Variants in SIN3B observed in about 807,000 individuals in gnomAD.
The protein encoded by SIN3B is SIN3 transcription regulator family member B, also known as paired amphipathic helix protein Sin3b.
A neutral mutation model predicts 120.2 loss-of-function variants in SIN3B; 19 were observed. The ratio of observed to expected loss-of-function variants is 0.16; its 90% confidence interval spans 0.11 to 0.23. The LOEUF is 0.23. SIN3B is among the 10% of genes least tolerant of loss of function. The pLI is 1.00. For missense variants in SIN3B, 1,073 were observed against 1,573.0 expected, an observed-to-expected ratio of 0.68 and a Z score of 5.38; for synonymous variants, 654 against 653.2, an observed-to-expected ratio of 1.00 and a Z score of -0.02.
At chr19:16,854,911 T>G (rs2144599339) in intron 8 of SIN3B, 1 of 152,354 alleles carries the variant, frequency 6.6e-6, no homozygotes, top group Middle Eastern at 3.4e-3. Flanking sequence ...AGTGTTTTGG[T>G]CTCTCTTTAG....
intron 8 of SIN3B, among the ~76,000 whole-genome samples, chr19:16,858,120 G>T (rs1568419882): frequency 6.6e-6 from 1 of 151,986 alleles, no homozygotes; most frequent in South Asian, 2.1e-4. Context: ...CAAGTGATCC[G>T]CCTGCCTCAG....
chr19:16,871,414 G>A lies in SIN3B; in HGVS notation c.2592+16G>A. On this transcript the variant is annotated intron_variant, in intron 14 of 18. Transcript: ENST00000248054. ...TGCGCGGCAGGTGAGCCGGGCCGGG[G>A]TGGGGCCGGCCCTGAGGACGGCGGA... 4 of 1,588,946 alleles carry A rather than the reference G, an allele frequency of 2.5e-6. No individual in the cohort carries two copies. Among genetic ancestry groups the A allele is most frequent in the Non-Finnish European group, 2.6e-6 (3 of 1,166,422 alleles).
intron 3 of SIN3B, among the ~76,000 whole-genome samples, chr19:16,835,228 C>CTT (rs1183912183): frequency 3.8e-4 from 48 of 125,808 alleles, no homozygotes; most frequent in African/African-American, 1.0e-3. Flanking sequence ...ACCTGGCCAT[C>CTT]TTTTTTTTTT....
At chr19:16,837,451 A>G (rs1015900390) in intron 3 of SIN3B, among the ~76,000 whole-genome samples, 2 of 151,628 alleles carry the variant, frequency 1.3e-5, no homozygotes, top group African/African-American at 4.9e-5. Flanking sequence ...TTCCCAAGTG[A>G]TGAGGACAGA....
rs1292667509 is a variant in SIN3B at position 16,829,401 on chromosome 19, G to C, written c.-20G>C. On this transcript the variant is annotated 5_prime_UTR_variant, in exon 1 of 19. Coordinates refer to ENST00000248054, the MANE Select transcript of SIN3B (RefSeq NM_001297595.2). The stretch of plus-strand genomic sequence containing the variant: ...GGACCTCGGGCGGGGGCGGGGCGGG[G>C]CGCAGCTCCGACTTCGGACATGGCG... 2 of 1,197,588 alleles carry C rather than the reference G, an allele frequency of 1.7e-6. No homozygotes were observed. Among genetic ancestry groups the C allele is most frequent in the Non-Finnish European group, 2.1e-6 (2 of 965,646 alleles). 74.2% of individuals were successfully genotyped at this position (1,197,588 alleles called of 1,614,324 possible). A position where few individuals can be genotyped will look rare whatever the true frequency, so the allele number is the denominator to read the frequency against.
chr19:16,856,168 G>C (rs1027079580), intron 8 of SIN3B, among the ~76,000 whole-genome samples: 2 of 152,226 alleles, frequency 1.3e-5, no homozygotes, highest in Non-Finnish European at 2.9e-5. Flanking sequence ...GCCTCAGGAA[G>C]GGGCTGGGAC....
chr19:16,854,017 A>G (rs907730170), intron 7 of SIN3B, 126 bp from the exon 8 acceptor site: 10 of 664,600 alleles, frequency 1.5e-5, no homozygotes, highest in Admixed American at 1.0e-4. Flanking sequence ...TGCAGCACAG[A>G]TATCATTTAC....
At chr19:16,873,578 C>G (rs1400652231) in intron 14 of SIN3B, among the ~76,000 whole-genome samples, 1 of 150,560 alleles carries the variant, frequency 6.6e-6, no homozygotes, top group African/African-American at 2.4e-5. Flanking sequence ...GGACAGCAAC[C>G]TTGCTTGTGA....
At chr19:16,859,540 T>C (rs1268497197) in intron 8 of SIN3B, among the ~76,000 whole-genome samples, 1 of 152,158 alleles carries the variant, frequency 6.6e-6, no homozygotes, top group African/African-American at 2.4e-5. Context: ...AGAAGGCCTT[T>C]CCCTGGTGGT....
intron 13 of SIN3B, 139 bp downstream of exon 13, chr19:16,870,214 C>G: frequency 9.2e-7 from 1 of 1,091,862 alleles, no homozygotes; most frequent in South Asian, 1.7e-5. Context: ...TGGGAAATTG[C>G]AAACAGGAAG....
At chr19:16,860,561 C>A (rs1971673575) in intron 8 of SIN3B, among the ~76,000 whole-genome samples, 1 of 149,736 alleles carries the variant, frequency 6.7e-6, no homozygotes, top group Admixed American at 6.7e-5. Context: ...TAGGTCACAG[C>A]AGGATTGTGG....
rs1200658032 is a variant in SIN3B at position 16,832,197 on chromosome 19, T to G, written c.381+550T>G. Among the ~76,000 whole-genome samples the G allele has an allele frequency of 7.0e-5, 3 of 43,156 alleles. No homozygotes were observed. The East Asian group carries it at 1.9e-3, about 27-fold the overall frequency. 28.3% of individuals were successfully genotyped at this position (43,156 alleles called of 152,430 possible). A position where few individuals can be genotyped will look rare whatever the true frequency, so the allele number is the denominator to read the frequency against. On this transcript the variant is annotated intron_variant, in intron 3 of 18. Coordinates refer to ENST00000248054, the MANE Select transcript of SIN3B (RefSeq NM_001297595.2). Reference sequence around the variant, plus strand: ...GGTGATAGGTGCTGGCCCTCTTTTTTTTTTTTTTTTTTTTTTTGGAGACGG... The same window carrying G: ...GGTGATAGGTGCTGGCCCTCTTTTTGTTTTTTTTTTTTTTTTTGGAGACGG...
intron 8 of SIN3B, among the ~76,000 whole-genome samples, chr19:16,859,735 G>A (rs1345247495): frequency 6.6e-6 from 1 of 152,128 alleles, no homozygotes; most frequent in African/African-American, 2.4e-5. Flanking sequence ...CTTTTTCTGT[G>A]GATGTGGAAT....
At chr19:16,856,351 C>T (rs1971614621) in intron 8 of SIN3B, among the ~76,000 whole-genome samples, 1 of 152,160 alleles carries the variant, frequency 6.6e-6, no homozygotes, top group Non-Finnish European at 1.5e-5. Flanking sequence ...CTTGGGCAGT[C>T]TGAGCCTCTG....
intron 14 of SIN3B, among the ~76,000 whole-genome samples, chr19:16,873,510 C>G (rs1389888308): frequency 1.4e-5 from 2 of 146,864 alleles, no homozygotes; most frequent in Non-Finnish European, 1.5e-5. Context: ...AGGGGGCTGG[C>G]AGTCTGTCCC....
chr19:16,868,643 C>T (rs1396687032), intron 12 of SIN3B, among the ~76,000 whole-genome samples: 2 of 152,172 alleles, frequency 1.3e-5, no homozygotes, highest in Non-Finnish European at 2.9e-5. Context: ...GGGAGCTTGG[C>T]GCGGTGAGGC....
At chr19:16,877,825 G>A (rs2051630520) in intron 17 of SIN3B, among the ~76,000 whole-genome samples, 186 bp downstream of exon 17, 2 of 152,150 alleles carry the variant, frequency 1.3e-5, no homozygotes, top group South Asian at 4.1e-4. Context: ...AGTAACCCCA[G>A]GACGGTGAGG....
In SIN3B at chr19:16,863,636, C is replaced by T. The variant is rs374859820; in HGVS notation, c.1267-44C>T. 2.5e-5 allele frequency: 32 copies of T among 1,286,226 alleles called. No individual in the cohort carries two copies. The African/African-American group carries it at 4.5e-4, about 18-fold the overall frequency. The allele number at this position is 1,286,226 out of a possible 1,614,324, so 79.7% of individuals were successfully genotyped here. On this transcript the variant is annotated intron_variant, in intron 9 of 18. Coordinates refer to ENST00000248054, the MANE Select transcript of SIN3B (RefSeq NM_001297595.2). Reference sequence around the variant, plus strand: ...CACTGGCTAACAGTAAATCTTGGCTCCTGGGGCATGCAGCGTCATTCACGG... The same window carrying T: ...CACTGGCTAACAGTAAATCTTGGCTTCTGGGGCATGCAGCGTCATTCACGG...
At chr19:16,874,986 CTGGTT>C (rs887725884) in intron 14 of SIN3B, among the ~76,000 whole-genome samples, 9 of 139,912 alleles carry the variant, frequency 6.4e-5, no homozygotes, top group Admixed American at 2.9e-4. Flanking sequence ...TTGATTTGGT[CTGGTT>C]TGGTTTGGTT....
Sources: allele counts gnomAD v4.1 joint callset (sites outside exome capture counted in the v4.1 genomes callset), GRCh38; gene constraint gnomAD v4.1.1; transcripts MANE v1.5; gene names NCBI Gene and HGNC (gene_info 2026-07-23, HGNC 2026-07-21).